POTEE: variants seen among roughly 807,000 people sequenced by gnomAD.
The protein encoded by POTEE is POTE ankyrin domain family member E, also known as ANKRD26-like family C member 1A.
In POTEE, 21 loss-of-function variants were observed where a neutral mutation model predicts 74.2. That is an observed-to-expected ratio of 0.28 (90% CI 0.20 to 0.41). The LOEUF (loss-of-function observed/expected upper bound fraction) is 0.41, where lower values mean the gene tolerates loss of function less well. Among genes scored for constraint, POTEE ranks in the 10% least tolerant of loss-of-function variants. POTEE has a pLI of 1.00. For missense variants in POTEE, 525 were observed against 1,158.6 expected, an observed-to-expected ratio of 0.45 and a Z score of 7.94; for synonymous variants, 211 against 432.8, an observed-to-expected ratio of 0.49 and a Z score of 6.36.
At chr2:131,220,697 T>G (rs1700591925) in intron 4 of POTEE, among the ~76,000 whole-genome samples, 1 of 152,046 alleles carries the variant, frequency 6.6e-6, no homozygotes, top group Admixed American at 6.5e-5. Flanking sequence ...TACAGTGGCT[T>G]ACGCCCGTTA....
chr2:131,233,559 T>C (rs1334802922), intron 9 of POTEE, among the ~76,000 whole-genome samples: 1 of 144,370 alleles, frequency 6.9e-6, no homozygotes, highest in Admixed American at 7.1e-5. Context: ...CTTAGTGAAA[T>C]ACATAAAGTT....
rs1190092692 is a variant in POTEE, at chr2:131,225,397, G to A, written c.810+1354G>A. ...TGTCTCTAACAACAACAACAACAAC[G>A]ACAACAACAACAATTTTCTCAAAAT... On this transcript the variant is annotated intron_variant, in intron 6 of 17. Coordinates refer to ENST00000683005, the MANE Select transcript of POTEE (RefSeq NM_001083538.3). Among the ~76,000 whole-genome samples, 8 of 149,302 alleles carry A rather than the reference G, an allele frequency of 5.4e-5. No individual in the cohort carries two copies. The East Asian group carries it at 5.9e-4, about 11-fold the overall frequency.
At chr2:131,219,578 A>G (rs1359217863) in intron 4 of POTEE, among the ~76,000 whole-genome samples, 7 of 152,244 alleles carry the variant, frequency 4.6e-5, no homozygotes, top group South Asian at 2.1e-4. Context: ...ACTAAAAAAT[A>G]TAAAAAAAAT....
At chr2:131,226,977 C>T (rs1700802514) in intron 7 of POTEE, 48 bp downstream of exon 7, 1 of 1,605,036 alleles carries the variant, frequency 6.2e-7, no homozygotes, top group African/African-American at 1.3e-5. Flanking sequence ...ACAGCAGTCA[C>T]TCAAGTCATA....
chr2:131,219,829 C>T (rs898293632), intron 4 of POTEE, among the ~76,000 whole-genome samples: 6 of 151,866 alleles, frequency 4.0e-5, no homozygotes, highest in Admixed American at 3.3e-4. Flanking sequence ...TTAAATTACA[C>T]ATGCTGTCTT....
chr2:131,220,582 T>C (rs1416479086), intron 4 of POTEE, among the ~76,000 whole-genome samples: 2 of 152,068 alleles, frequency 1.3e-5, no homozygotes, highest in Non-Finnish European at 2.9e-5. Context: ...CAGTGACCTA[T>C]GCACATAGGA....
intron 6 of POTEE, among the ~76,000 whole-genome samples, chr2:131,225,867 T>C (rs575381006): frequency 1.8e-4 from 28 of 152,244 alleles, no homozygotes; most frequent in African/African-American, 6.0e-4. Context: ...AAAATGAATA[T>C]TATTGGTAGT....
At position 131,217,610 on chromosome 2, in the gene POTEE, G is replaced by C. The variant is rs2105063269; in HGVS notation, c.-167G>C. Among the ~76,000 whole-genome samples, 1 of 146,420 alleles carries C rather than the reference G, an allele frequency of 6.8e-6. No homozygotes were observed. The highest frequency in any genetic ancestry group is 2.0e-4 in the East Asian group (1 of 4,892). ...CCAGAGGCTTCTCAGTGGCTTGAAA[G>C]CTCAGCTGACTCCCACGAAGTTTGC... is the stretch of plus-strand genomic sequence containing the variant. On this transcript the variant is annotated 5_prime_UTR_variant, in exon 3 of 18. Transcript: ENST00000683005.
intron 2 of POTEE, among the ~76,000 whole-genome samples, chr2:131,215,455 A>G (rs112800231): frequency 3.3e-5 from 5 of 151,942 alleles, no homozygotes; most frequent in African/African-American, 7.3e-5. Flanking sequence ...AGTCTTTACA[A>G]ATTTTTACTA....
In POTEE at chr2:131,264,047, CAT is replaced by C. The variant is rs1701819700; in HGVS notation, c.2593_2594del (p.Ile865LeufsTer2). ...SGDGVTHTVP[I>X]YEGNALPHAT... Reference sequence around the variant, plus strand: ...GTGACGGGGTCACCCACACTGTGCCCATCTATGAGGGGAATGCCCTCCCCCAT... The same window carrying C: ...GTGACGGGGTCACCCACACTGTGCCCCTATGAGGGGAATGCCCTCCCCCAT... On this transcript the variant is annotated frameshift_variant, in exon 18 of 18. Transcript: ENST00000683005. LOFTEE classifies it high-confidence loss of function. 6.2e-7 allele frequency: 1 copy of C among 1,614,074 alleles called. No homozygotes were observed. The highest frequency in any genetic ancestry group is 1.3e-5 in the African/African-American group (1 of 74,944).
chr2:131,221,045 C>T (rs532529889), intron 4 of POTEE, among the ~76,000 whole-genome samples: 10 of 151,832 alleles, frequency 6.6e-5, no homozygotes, highest in East Asian at 1.9e-4. Context: ...GTGGTACTTA[C>T]GTAGTCATTT....
intron 8 of POTEE, chr2:131,229,568 C>A (rs1244965176): frequency 7.9e-5 from 12 of 152,196 alleles, no homozygotes; most frequent in Non-Finnish European, 7.3e-5. Flanking sequence ...CAAGCCTTGT[C>A]CATGACGCAT....
intron 9 of POTEE, among the ~76,000 whole-genome samples, chr2:131,231,421 A>G (rs1332663665): frequency 6.6e-6 from 1 of 151,966 alleles, no homozygotes; most frequent in Non-Finnish European, 1.5e-5. Context: ...ATAATAGTCC[A>G]TGGACTGGTA....
At chr2:131,231,053 G>A in intron 9 of POTEE, 147 bp downstream of exon 9, 1 of 654,948 alleles carries the variant, frequency 1.5e-6, no homozygotes, top group East Asian at 2.8e-5. Flanking sequence ...CATTTATTGT[G>A]CTACTTTATA....
At chr2:131,219,017 C>A in intron 4 of POTEE, 94 bp downstream of exon 4, 1 of 1,567,342 alleles carries the variant, frequency 6.4e-7, no homozygotes, top group East Asian at 2.2e-5. Flanking sequence ...GCTTTCTCGC[C>A]TCCGCAGGCC....
chr2:131,220,089 C>G (rs1310717876), intron 4 of POTEE, among the ~76,000 whole-genome samples: 1 of 151,518 alleles, frequency 6.6e-6, no homozygotes, highest in African/African-American at 2.4e-5. Flanking sequence ...AGAAAACTAG[C>G]TAGATTTTTA....
chr2:131,226,765 G>T, intron 6 of POTEE, 58 bp from the exon 7 acceptor site: 2 of 1,608,604 alleles, frequency 1.2e-6, no homozygotes, highest in Non-Finnish European at 1.7e-6. Context: ...TTCCACTTTG[G>T]TTGAGGAATA....
chr2:131,263,510 A>G lies in POTEE; in HGVS notation c.2055A>G (p.Lys685=). 6.2e-7 allele frequency: 1 copy of G among 1,611,724 alleles called. No individual in the cohort carries two copies. Among genetic ancestry groups the G allele is most frequent in the East Asian group, 2.2e-5 (1 of 44,876 alleles). The change falls in exon 18 of 18, where the codon AAA becomes AAG. Residue 685 remains lysine (K), a synonymous_variant. Transcript: ENST00000683005. The part of the protein sequence containing the change: ...KYLEDIESVK[K]KNDNLLKALQ... ...TGGAGGATATTGAAAGTGTGAAAAA[A>G]AAGAATGATAATCTTTTAAAGGCTC... is the stretch of plus-strand genomic sequence containing the variant.
intron 2 of POTEE, among the ~76,000 whole-genome samples, chr2:131,214,501 G>C (rs1335319114): frequency 6.6e-6 from 1 of 152,200 alleles, no homozygotes; most frequent in African/African-American, 2.4e-5. Flanking sequence ...TCATAAAGTG[G>C]GAAAGAAAAA....
Sources: allele counts gnomAD v4.1 joint callset (sites outside exome capture counted in the v4.1 genomes callset), GRCh38; gene constraint gnomAD v4.1.1; transcripts MANE v1.5; gene names NCBI Gene and HGNC (gene_info 2026-07-23, HGNC 2026-07-21).